Variants in BICD1 observed in about 807,000 individuals in gnomAD.
BICD1 encodes BICD cargo adaptor 1.
Under a neutral mutation model 92.5 loss-of-function variants are expected in BICD1, and 35 were observed. That is an observed-to-expected ratio of 0.38 (90% CI 0.29 to 0.50). The LOEUF (loss-of-function observed/expected upper bound fraction) is 0.50, where lower values mean the gene tolerates loss of function less well. Among genes scored for constraint, BICD1 ranks in the 20% least tolerant of loss-of-function variants. The pLI is 0.93. For missense variants in BICD1, 950 were observed against 1,189.8 expected, an observed-to-expected ratio of 0.80 and a Z score of 2.97; for synonymous variants, 429 against 465.1, an observed-to-expected ratio of 0.92 and a Z score of 1.00.
chr12:32,162,491 CATTT>C (rs1943629003), intron 1 of BICD1, among the ~76,000 whole-genome samples: 1 of 152,140 alleles, frequency 6.6e-6, no homozygotes, highest in Admixed American at 6.5e-5. Context: ...TATGGGAATC[CATTT>C]CCATATCTAT....
chr12:32,288,513 G>T (rs1274340427), intron 2 of BICD1, among the ~76,000 whole-genome samples: 1 of 151,984 alleles, frequency 6.6e-6, no homozygotes, highest in African/African-American at 2.4e-5. Context: ...GCCTCCCAAG[G>T]TGTGGGGTTT....
At chr12:32,325,402 G>A (rs1248493152) in intron 4 of BICD1, among the ~76,000 whole-genome samples, 1 of 152,126 alleles carries the variant, frequency 6.6e-6, no homozygotes, top group African/African-American at 2.4e-5. Context: ...TGAAGTGCTG[G>A]CAGCAAAGAT....
chr12:32,374,169 G>A lies in BICD1; in HGVS notation c.2841-3371G>A, dbSNP rs548888912. On this transcript the variant is annotated intron_variant, in intron 9 of 9. Coordinates refer to ENST00000652176, the MANE Select transcript of BICD1 (RefSeq NM_001714.4). Reference sequence around the variant, plus strand: ...GCAGAGGTTGCAGTGAGCTGGGATCGTGCCACTGCACTCCAGCCTGGGCGA... The same window carrying A: ...GCAGAGGTTGCAGTGAGCTGGGATCATGCCACTGCACTCCAGCCTGGGCGA... Among the ~76,000 whole-genome samples, 312 of 150,914 alleles carry A rather than the reference G, an allele frequency of 2.1e-3. 1 individual carries two copies. Among genetic ancestry groups the A allele is most frequent in the African/African-American group, 7.3e-3 (299 of 41,020 alleles).
At chr12:32,133,226 G>A (rs1942619463) in intron 1 of BICD1, among the ~76,000 whole-genome samples, 1 of 152,116 alleles carries the variant, frequency 6.6e-6, no homozygotes, top group Admixed American at 6.5e-5. Flanking sequence ...GGTGGCTCAT[G>A]CCTGTAATCC....
At chr12:32,123,881 GAA>G (rs58470899) in intron 1 of BICD1, among the ~76,000 whole-genome samples, 2 of 137,138 alleles carry the variant, frequency 1.5e-5, no homozygotes, top group African/African-American at 2.7e-5. Context: ...CGTCTGAAAA[GAA>G]AAAAAAAAAA....
At chr12:32,153,014 T>A (rs963341838) in intron 1 of BICD1, among the ~76,000 whole-genome samples, 1 of 152,182 alleles carries the variant, frequency 6.6e-6, no homozygotes, top group African/African-American at 2.4e-5. Context: ...AATGGTCCCA[T>A]CACCCAGACA....
At position 32,230,645 on chromosome 12, in the gene BICD1, C is replaced by A. The variant is rs563483085; in HGVS notation, c.426+14186C>A. Reference sequence around the variant, plus strand: ...ATCTGATGACATGAGGTTTAAAGCACAGAATTTTTAGAGAGGAGAGAAGGA... The same window carrying A: ...ATCTGATGACATGAGGTTTAAAGCAAAGAATTTTTAGAGAGGAGAGAAGGA... On this transcript the variant is annotated intron_variant, in intron 2 of 9. Coordinates refer to ENST00000652176, the MANE Select transcript of BICD1 (RefSeq NM_001714.4). 2.6e-5 allele frequency among the ~76,000 whole-genome samples: 4 copies of A among 152,136 alleles called. No homozygotes were observed. In the East Asian group the frequency reaches 7.8e-4, roughly 30 times the overall value.
intron 2 of BICD1, among the ~76,000 whole-genome samples, chr12:32,225,146 T>G (rs1362426962): frequency 2.0e-5 from 3 of 152,254 alleles, no homozygotes; most frequent in South Asian, 2.1e-4. Flanking sequence ...CAATGATCTA[T>G]TCTCTATTAC....
rs1406166535 is a variant in BICD1, at chr12:32,380,450, G to C, written c.*2823G>C. ...AAATACTGGCTAATTATTGCAAACA[G>C]AGTGAGCAAAGATTAATGCTAACTA... is the stretch of plus-strand genomic sequence containing the variant. On this transcript the variant is annotated 3_prime_UTR_variant, in exon 10 of 10. Coordinates refer to ENST00000652176, the MANE Select transcript of BICD1 (RefSeq NM_001714.4). The C allele has an allele frequency of 6.6e-6, 1 of 152,036 alleles. No homozygotes were observed. The highest frequency in any genetic ancestry group is 1.5e-5 in the Non-Finnish European group (1 of 68,004). 9.4% of individuals were successfully genotyped at this position (152,036 alleles called of 1,614,324 possible). A position where few individuals can be genotyped will look rare whatever the true frequency, so the allele number is the denominator to read the frequency against.
Position 32,337,463 on chromosome 12 carries a change from G to T in BICD1, c.2253-36G>T. ...TAACTCCCAAATTCAGTTTCACCAA[G>T]ATTTTCCTCTGACCACTTCTCTGTT... On this transcript the variant is annotated intron_variant, in intron 6 of 9. Coordinates refer to ENST00000652176, the MANE Select transcript of BICD1 (RefSeq NM_001714.4). The surrounding 1 kb of genome is among the most constrained non-coding windows in gnomAD (Gnocchi z 4.7). The T allele has an allele frequency of 6.4e-7, 1 of 1,569,506 alleles. No individual in the cohort carries two copies. Among genetic ancestry groups the T allele is most frequent in the Non-Finnish European group, 8.7e-7 (1 of 1,152,580 alleles).
At chr12:32,175,006 T>C (rs920734098) in intron 1 of BICD1, among the ~76,000 whole-genome samples, 2 of 152,230 alleles carry the variant, frequency 1.3e-5, no homozygotes, top group Admixed American at 6.5e-5. Flanking sequence ...AATAGAATTT[T>C]AAAATTCCCA....
intron 1 of BICD1, among the ~76,000 whole-genome samples, chr12:32,141,962 A>G (rs1942935462): frequency 6.6e-6 from 1 of 152,148 alleles, no homozygotes; most frequent in South Asian, 2.1e-4. Flanking sequence ...GGGCTCAACC[A>G]TAGTCTATTT....
Position 32,368,807 on chromosome 12 carries a change from T to G in BICD1, c.2840+1062T>G, listed in dbSNP as rs529429203. Among the ~76,000 whole-genome samples the G allele has an allele frequency of 4.6e-5, 7 of 152,180 alleles. No homozygotes were observed. In the South Asian group the frequency reaches 1.5e-3, roughly 32 times the overall value. On this transcript the variant is annotated intron_variant, in intron 9 of 9. Coordinates refer to ENST00000652176, the MANE Select transcript of BICD1 (RefSeq NM_001714.4). ...GCTCATGCTGGTAATCTCAGCACTT[T>G]GGGAGGCTGAGGCAGGAGGATTGCT...
chr12:32,128,578 A>T (rs957837538), intron 1 of BICD1, among the ~76,000 whole-genome samples: 1 of 150,524 alleles, frequency 6.6e-6, no homozygotes, highest in Non-Finnish European at 1.5e-5. Flanking sequence ...TTTCATTTTT[A>T]GTATTATGAA....
chr12:32,166,083 G>A (rs2121512787), intron 1 of BICD1, among the ~76,000 whole-genome samples: 1 of 151,004 alleles, frequency 6.6e-6, no homozygotes, highest in South Asian at 2.1e-4. Flanking sequence ...TTCTCCCTGG[G>A]ACATTTGGCA....
chr12:32,137,807 T>C (rs542761878), intron 1 of BICD1, among the ~76,000 whole-genome samples: 96 of 152,140 alleles, frequency 6.3e-4, no homozygotes, highest in African/African-American at 2.2e-3. Context: ...TAAAAACTTT[T>C]TTTTTTTTGA....
rs1330879296 is a variant in BICD1, at chr12:32,313,161, A to G, written c.1005+7039A>G. Reference sequence around the variant, plus strand: ...CTGGGTATATAATTTCACATGTAGTATGAGAAAACAGTAATGTTTCTGTAA... The same window carrying G: ...CTGGGTATATAATTTCACATGTAGTGTGAGAAAACAGTAATGTTTCTGTAA... On this transcript the variant is annotated intron_variant, in intron 4 of 9. Transcript: ENST00000652176. This position sits in a 1 kb window ranked among gnomAD's most constrained non-coding sequence, Gnocchi z 4.2. Among the ~76,000 whole-genome samples, 2 of 152,090 alleles carry G rather than the reference A, an allele frequency of 1.3e-5. No individual in the cohort carries two copies. The highest frequency in any genetic ancestry group is 4.8e-5 in the African/African-American group (2 of 41,410).
chr12:32,176,400 G>C (rs1190391963), intron 1 of BICD1, among the ~76,000 whole-genome samples: 1 of 152,030 alleles, frequency 6.6e-6, no homozygotes, highest in African/African-American at 2.4e-5. Context: ...ATGTATGATT[G>C]AGGTATCATT....
intron 2 of BICD1, among the ~76,000 whole-genome samples, chr12:32,291,872 T>C (rs1947735216): frequency 6.6e-6 from 1 of 152,026 alleles, no homozygotes; most frequent in Admixed American, 6.6e-5. Flanking sequence ...TGAAGCAAGA[T>C]GAGAGACATT....
Sources: gnomAD v4.1 joint callset for allele counts (sites outside exome capture counted in the v4.1 genomes callset) on GRCh38, gnomAD v4.1.1 for gene constraint, Gnocchi (gnomAD v3.1) non-coding constraint, MANE v1.5 for transcripts, NCBI Gene and HGNC (gene_info 2026-07-23, HGNC 2026-07-21) for gene names.